The following CARMIL1 variants were observed in gnomAD, a reference collection of about 807,000 sequenced individuals.
The protein encoded by CARMIL1 is F-actin-uncapping protein LRRC16A.
Under a neutral mutation model 177.1 loss-of-function variants are expected in CARMIL1, and 90 were observed. The observed-to-expected ratio is 0.51, with a 90% confidence interval of 0.43 to 0.61. The LOEUF (loss-of-function observed/expected upper bound fraction) is 0.61, where lower values mean the gene tolerates loss of function less well. Ranked by LOEUF, CARMIL1 falls within the 20% of genes least tolerant of loss-of-function variation. The probability of loss-of-function intolerance (pLI) is 0.00; values close to 1 mark genes in which losing one functional copy is unlikely to be tolerated. For missense variants in CARMIL1, 1,380 were observed against 1,667.0 expected, an observed-to-expected ratio of 0.83 and a Z score of 3.00; for synonymous variants, 577 against 606.2, an observed-to-expected ratio of 0.95 and a Z score of 0.71.
chr6:25,409,237 GGGCTT>G (rs1794690831), intron 2 of CARMIL1, among the ~76,000 whole-genome samples: 1 of 152,192 alleles, frequency 6.6e-6, no homozygotes, highest in Non-Finnish European at 1.5e-5. Context: ...CCAGGAGACT[GGGCTT>G]CTGGGCTCAG....
At position 25,318,697 on chromosome 6, in the gene CARMIL1, C is replaced by T. The variant is rs563392377; in HGVS notation, c.138+33788C>T. On this transcript the variant is annotated intron_variant, in intron 2 of 36. Coordinates refer to ENST00000329474, the MANE Select transcript of CARMIL1 (RefSeq NM_017640.6). ...TACAACTCCAGACCCATCAGCCACC[C>T]GGGAGACCCCACGTGGGAGCTGCGT... 4.6e-5 allele frequency among the ~76,000 whole-genome samples: 7 copies of T among 152,228 alleles called. No individual in the cohort carries two copies. In the South Asian group the frequency reaches 1.0e-3, roughly 23 times the overall value.
chr6:25,538,022 T>C (rs756670096), intron 25 of CARMIL1, 39 bp downstream of exon 25: 1 of 1,532,216 alleles, frequency 6.5e-7, no homozygotes, highest in African/African-American at 1.4e-5. Context: ...TCTGGTATAA[T>C]AAAAACGTTT....
intron 24 of CARMIL1, among the ~76,000 whole-genome samples, chr6:25,534,439 CACTGCTTGGGTTTGT>C (rs1286460113): frequency 1.3e-5 from 2 of 151,906 alleles, no homozygotes; most frequent in Non-Finnish European, 2.9e-5. Context: ...CTGGATGTAC[CACTGCTTGGGTTTGT>C]TCTTTTGTTT....
intron 2 of CARMIL1, among the ~76,000 whole-genome samples, chr6:25,413,966 T>C (rs1795148332): frequency 6.6e-6 from 1 of 152,186 alleles, no homozygotes; most frequent in Non-Finnish European, 1.5e-5. Flanking sequence ...ATTCAGTAGG[T>C]GAAGCAACTT....
At chr6:25,391,714 A>G (rs1792839359) in intron 2 of CARMIL1, among the ~76,000 whole-genome samples, 1 of 152,242 alleles carries the variant, frequency 6.6e-6, no homozygotes, top group African/African-American at 2.4e-5. Context: ...GGCTCAAAAA[A>G]ACTGCATATG....
chr6:25,450,967 T>C (rs866270883), intron 8 of CARMIL1, among the ~76,000 whole-genome samples: 709 of 3,570 alleles, frequency 0.2, 105 homozygotes, highest in South Asian at 0.75. Flanking sequence ...CTCTCCTCTC[T>C]TCTCTTCTCC....
At chr6:25,402,939 G>A (rs377161586) in intron 2 of CARMIL1, among the ~76,000 whole-genome samples, 1 of 152,108 alleles carries the variant, frequency 6.6e-6, no homozygotes. Context: ...GCATGAAGGT[G>A]GTGGTTGAGC....
At chr6:25,459,210 T>TTTTCTTTCTTTCTTTCTCTCTTTC (rs1799798115) in intron 8 of CARMIL1, among the ~76,000 whole-genome samples, 1 of 80,136 alleles carries the variant, frequency 1.2e-5, no homozygotes, top group African/African-American at 4.4e-5. Flanking sequence ...GATCCCAACT[T>TTTTCTTTCTTTCTTTCTCTCTTTC]TTTCTTTCTT....
chr6:25,352,319 CT>C (rs10713909), intron 2 of CARMIL1, among the ~76,000 whole-genome samples: 116,163 of 143,652 alleles, frequency 0.81, 47,083 homozygotes, highest in African/African-American at 0.91. Context: ...TTGTAGGATA[CT>C]TTTTTTTTTT....
At chr6:25,315,510 T>C (rs1784207032) in intron 2 of CARMIL1, among the ~76,000 whole-genome samples, 1 of 152,230 alleles carries the variant, frequency 6.6e-6, no homozygotes, top group Non-Finnish European at 1.5e-5. Flanking sequence ...AGCAGGGCAC[T>C]GGCTCTCCAC....
chr6:25,590,351 T>C (rs947319815), intron 31 of CARMIL1, among the ~76,000 whole-genome samples: 2 of 152,228 alleles, frequency 1.3e-5, no homozygotes, highest in Non-Finnish European at 2.9e-5. Context: ...GAGTTTTTGC[T>C]TTGTTTTAAT....
intron 5 of CARMIL1, among the ~76,000 whole-genome samples, chr6:25,445,102 C>G (rs1430643093): frequency 2.6e-5 from 4 of 152,148 alleles, no homozygotes; most frequent in Non-Finnish European, 5.9e-5. Flanking sequence ...TGTGGTTTTG[C>G]CTTGCATTTC....
chr6:25,500,188 T>C lies in CARMIL1; in HGVS notation c.1348T>C (p.Cys450Arg), dbSNP rs956915938. Residue 450 changes from cysteine (C) to arginine (R), a missense_variant, in exon 17 of 37, where the codon TGT (cysteine) becomes CGT (arginine). Cys to Arg is a radical substitution (Grantham distance 180). Coordinates refer to ENST00000329474, the MANE Select transcript of CARMIL1 (RefSeq NM_017640.6). ...CAGAGCACTGTTATTGGGCCTGGCT[T>C]GTAATCATAACTTGAAAGGGGTTTC... ...PLKALLLGLA[C>R]NHNLKGVSLD... 1 of 1,613,982 alleles carries C rather than the reference T, an allele frequency of 6.2e-7. No homozygotes were observed. Among genetic ancestry groups the C allele is most frequent in the Non-Finnish European group, 8.5e-7 (1 of 1,179,880 alleles).
intron 2 of CARMIL1, among the ~76,000 whole-genome samples, chr6:25,377,160 C>G (rs1041376539): frequency 6.6e-6 from 1 of 152,214 alleles, no homozygotes; most frequent in Non-Finnish European, 1.5e-5. Context: ...CCATGCTGAG[C>G]TCCCATGGGG....
intron 34 of CARMIL1, among the ~76,000 whole-genome samples, chr6:25,605,635 G>C (rs1164879025): frequency 6.6e-6 from 1 of 152,208 alleles, no homozygotes; most frequent in Non-Finnish European, 1.5e-5. Flanking sequence ...TCCTCACTCA[G>C]AACCTGTAGC....
At chr6:25,451,114 C>G (rs1220242560) in intron 8 of CARMIL1, among the ~76,000 whole-genome samples, 1 of 149,440 alleles carries the variant, frequency 6.7e-6, no homozygotes, top group Non-Finnish European at 1.5e-5. Context: ...ATCTAAGAAT[C>G]TCTAGATTTT....
At chr6:25,598,101 A>AT (rs1815027558) in intron 32 of CARMIL1, among the ~76,000 whole-genome samples, 1 of 151,878 alleles carries the variant, frequency 6.6e-6, no homozygotes, top group African/African-American at 2.4e-5. Flanking sequence ...TTATTTTTTA[A>AT]TTTTTTTAAA....
chr6:25,604,135 G>A (rs1201041962), intron 33 of CARMIL1, among the ~76,000 whole-genome samples: 5 of 152,232 alleles, frequency 3.3e-5, no homozygotes, highest in Middle Eastern at 3.4e-3. Flanking sequence ...GCATTGGCAC[G>A]CTTTTATAGT....
chr6:25,560,309 A>G (rs1256112166), intron 29 of CARMIL1, among the ~76,000 whole-genome samples: 1 of 152,184 alleles, frequency 6.6e-6, no homozygotes, highest in East Asian at 1.9e-4. Context: ...GAGGTAATCT[A>G]GTTCAGGTGG....
Sources: gnomAD v4.1 joint callset for allele counts (sites outside exome capture counted in the v4.1 genomes callset) on GRCh38, gnomAD v4.1.1 for gene constraint, MANE v1.5 for transcripts, NCBI Gene and HGNC (gene_info 2026-07-23, HGNC 2026-07-21) for gene names.